Variants in HNF4G observed in about 807,000 individuals in gnomAD.
HNF4G encodes hepatocyte nuclear factor 4 gamma.
In HNF4G, 21 loss-of-function variants were observed where a neutral mutation model predicts 50.9. The ratio of observed to expected loss-of-function variants is 0.41; its 90% CI spans 0.29 to 0.59. The LOEUF is 0.59. Ranked by LOEUF, HNF4G falls within the 20% of genes least tolerant of loss-of-function variation. The probability of loss-of-function intolerance (pLI) is 0.26; values close to 1 mark genes in which losing one functional copy is unlikely to be tolerated. For missense variants in HNF4G, 527 were observed against 559.4 expected, an observed-to-expected ratio of 0.94 and a Z score of 0.58; for synonymous variants, 198 against 185.6, an observed-to-expected ratio of 1.07 and a Z score of -0.54.
At chr8:75,486,551 G>C (rs1812501987) in intron 1 of HNF4G, among the ~76,000 whole-genome samples, 1 of 152,090 alleles carries the variant, frequency 6.6e-6, no homozygotes, top group Non-Finnish European at 1.5e-5. Context: ...AGTTAAATTA[G>C]TAATAATTAC....
At chr8:75,483,053 C>A (rs1333565193) in intron 1 of HNF4G, among the ~76,000 whole-genome samples, 3 of 152,092 alleles carry the variant, frequency 2.0e-5, no homozygotes, top group African/African-American at 7.2e-5. Flanking sequence ...AACTCAATGA[C>A]ATGTGAACTG....
At chr8:75,425,387 T>C (rs1810870025) in intron 1 of HNF4G, among the ~76,000 whole-genome samples, 1 of 151,764 alleles carries the variant, frequency 6.6e-6, no homozygotes, top group African/African-American at 2.4e-5. Context: ...CCCAGCCCAA[T>C]GCAGCTTTTA....
At chr8:75,552,832 T>C (rs1806999174) in intron 4 of HNF4G, among the ~76,000 whole-genome samples, 1 of 152,138 alleles carries the variant, frequency 6.6e-6, no homozygotes, top group African/African-American at 2.4e-5. Flanking sequence ...GAAATGTTTT[T>C]AAATTAACTT....
At chr8:75,425,604 T>G (rs949749583) in intron 1 of HNF4G, among the ~76,000 whole-genome samples, 3 of 148,166 alleles carry the variant, frequency 2.0e-5, no homozygotes, top group African/African-American at 7.4e-5. Flanking sequence ...TATTATATAT[T>G]TTTTATATAT....
intron 1 of HNF4G, among the ~76,000 whole-genome samples, chr8:75,453,436 T>C (rs1811634584): frequency 6.6e-6 from 1 of 152,178 alleles, no homozygotes; most frequent in Non-Finnish European, 1.5e-5. Flanking sequence ...ATCAGCACTC[T>C]GTTAAATGGA....
chr8:75,416,446 C>CA (rs1357078703), intron 1 of HNF4G, among the ~76,000 whole-genome samples: 1 of 152,054 alleles, frequency 6.6e-6, no homozygotes, highest in Non-Finnish European at 1.5e-5. Flanking sequence ...AATTTTCACC[C>CA]ATTTTTAACT....
chr8:75,563,919 T>C, intron 9 of HNF4G, 56 bp from the exon 10 acceptor site: 1 of 1,596,844 alleles, frequency 6.3e-7, no homozygotes, highest in Non-Finnish European at 8.5e-7. Flanking sequence ...TAGGGTTTAA[T>C]GGGGTGAGGA....
chr8:75,415,200 C>T (rs1209558916), intron 1 of HNF4G, among the ~76,000 whole-genome samples: 1 of 151,710 alleles, frequency 6.6e-6, no homozygotes, highest in Non-Finnish European at 1.5e-5. Flanking sequence ...CTATGCAGTC[C>T]CCTTCTTTTA....
chr8:75,456,710 TTTA>T (rs1402090898), intron 1 of HNF4G, among the ~76,000 whole-genome samples: 3 of 151,574 alleles, frequency 2.0e-5, no homozygotes, highest in Non-Finnish European at 4.4e-5. Flanking sequence ...TAAAGAATAT[TTTA>T]TTTATTTAAT....
chr8:75,547,538 C>A, intron 2 of HNF4G, 49 bp from the exon 3 acceptor site: 1 of 1,298,560 alleles, frequency 7.7e-7, no homozygotes, highest in Non-Finnish European at 1.1e-6. Context: ...TTATTTGCTT[C>A]TTTTGTAAAT....
At chr8:75,542,925 G>A (rs979923481) in intron 1 of HNF4G, among the ~76,000 whole-genome samples, 1 of 152,162 alleles carries the variant, frequency 6.6e-6, no homozygotes, top group Non-Finnish European at 1.5e-5. Context: ...AGTGGCTCAC[G>A]CCTATAATTT....
chr8:75,413,595 A>G (rs1330093334), intron 1 of HNF4G, among the ~76,000 whole-genome samples: 1 of 152,070 alleles, frequency 6.6e-6, no homozygotes, highest in Non-Finnish European at 1.5e-5. Flanking sequence ...TTGGCTGGGT[A>G]TGGTGGCTCA....
chr8:75,559,181 A>G, intron 8 of HNF4G, 144 bp downstream of exon 8: 1 of 649,552 alleles, frequency 1.5e-6, no homozygotes, highest in Non-Finnish European at 2.7e-6. Flanking sequence ...CTATGACATA[A>G]TGAACTCAAG....
intron 1 of HNF4G, among the ~76,000 whole-genome samples, chr8:75,474,095 A>G (rs1315664626): frequency 6.6e-6 from 1 of 152,200 alleles, no homozygotes; most frequent in Non-Finnish European, 1.5e-5. Flanking sequence ...GAAGGCCAGA[A>G]GGTCTTTAAA....
intron 2 of HNF4G, among the ~76,000 whole-genome samples, chr8:75,494,299 AGCACACACACACACACACACACACAC>A: frequency 7.3e-6 from 1 of 137,142 alleles, no homozygotes; most frequent in Middle Eastern, 3.8e-3. Context: ...TCTCCCATAC[AGCACACACACACACACACACACACAC>A]ACACACACAC....
At chr8:75,560,525 A>G in intron 9 of HNF4G, 59 bp downstream of exon 9, 1 of 1,535,978 alleles carries the variant, frequency 6.5e-7, no homozygotes, top group South Asian at 1.2e-5. Flanking sequence ...GAAAAAGTGG[A>G]ATTGTGGGAA....
chr8:75,555,235 A>ACT, intron 5 of HNF4G, among the ~76,000 whole-genome samples: 1 of 152,264 alleles, frequency 6.6e-6, no homozygotes, highest in South Asian at 2.1e-4. Flanking sequence ...GTTAGAGAGG[A>ACT]CTCAAAATAG....
chr8:75,507,006 G>A (rs1487030171), intron 2 of HNF4G, among the ~76,000 whole-genome samples: 3 of 152,104 alleles, frequency 2.0e-5, no homozygotes, highest in South Asian at 2.1e-4. Flanking sequence ...ATAGGTTTAC[G>A]AAAAGAACAT....
chr8:75,450,262 C>T (rs1251030168), intron 1 of HNF4G, among the ~76,000 whole-genome samples: 1 of 152,148 alleles, frequency 6.6e-6, no homozygotes, highest in African/African-American at 2.4e-5. Flanking sequence ...GATTGATGGA[C>T]ACTTAGGTTA....
Sources: allele counts gnomAD v4.1 joint callset (sites outside exome capture counted in the v4.1 genomes callset), GRCh38; gene constraint gnomAD v4.1.1; transcripts MANE v1.5; gene names NCBI Gene and HGNC (gene_info 2026-07-23, HGNC 2026-07-21).